MARCHF1: variants seen among roughly 807,000 people sequenced by gnomAD.
MARCHF1 encodes membrane associated ring-CH-type finger 1, also known as E3 ubiquitin-protein ligase MARCHF1.
Under a neutral mutation model 54.2 loss-of-function variants are expected in MARCHF1, and 40 were observed. The observed-to-expected ratio is 0.74, with a 90% CI of 0.57 to 0.96. MARCHF1 has a LOEUF of 0.96. Ranked by LOEUF, MARCHF1 falls within the 40% of genes least tolerant of loss-of-function variation. The pLI is 0.00. For missense variants in MARCHF1, 586 were observed against 656.5 expected, an observed-to-expected ratio of 0.89 and a Z score of 1.17; for synonymous variants, 236 against 236.3, an observed-to-expected ratio of 1.00 and a Z score of 0.01.
chr4:164,214,863 C>T (rs538202312), intron 1 of MARCHF1, among the ~76,000 whole-genome samples: 1 of 152,110 alleles, frequency 6.6e-6, no homozygotes, highest in Non-Finnish European at 1.5e-5. Flanking sequence ...GAAATTGAAA[C>T]GGGAAAAGTT....
chr4:164,159,167 G>A (rs927625611), intron 1 of MARCHF1, among the ~76,000 whole-genome samples: 1 of 152,132 alleles, frequency 6.6e-6, no homozygotes, highest in Non-Finnish European at 1.5e-5. Context: ...AGTAATTAAT[G>A]TTTTAAGGCT....
Position 164,119,950 on chromosome 4 carries a change from C to T in MARCHF1, c.-322-8288G>A, listed in dbSNP as rs114553090. Among the ~76,000 whole-genome samples, 1,324 of 151,754 alleles carry T rather than the reference C, an allele frequency of 8.7e-3. 15 individuals carry two copies. Among genetic ancestry groups the T allele is most frequent in the East Asian group, 0.046 (238 of 5,166 alleles). ...TAATGCCAATAGTATTTAAATTGTT[C>T]CTGATAACACATAAAAGATCACTTA... On this transcript the variant is annotated intron_variant, in intron 1 of 9. Transcript: ENST00000514618.
At chr4:164,117,961 C>G (rs536668863) in intron 1 of MARCHF1, among the ~76,000 whole-genome samples, 2 of 151,892 alleles carry the variant, frequency 1.3e-5, no homozygotes, top group South Asian at 2.1e-4. Context: ...TTAAAAAACA[C>G]ATGAGTGAGA....
At chr4:164,137,780 G>T (rs1756433155) in intron 1 of MARCHF1, among the ~76,000 whole-genome samples, 1 of 152,058 alleles carries the variant, frequency 6.6e-6, no homozygotes, top group Non-Finnish European at 1.5e-5. Flanking sequence ...ATTTTCCCTT[G>T]TTATGATAGA....
At chr4:164,005,711 C>G (rs976478013) in intron 2 of MARCHF1, among the ~76,000 whole-genome samples, 1 of 152,056 alleles carries the variant, frequency 6.6e-6, no homozygotes, top group African/African-American at 2.4e-5. Flanking sequence ...GTGGGACTAC[C>G]ATCCCCAGGC....
At chr4:163,703,134 G>A (rs1322595571) in intron 4 of MARCHF1, among the ~76,000 whole-genome samples, 1 of 152,068 alleles carries the variant, frequency 6.6e-6, no homozygotes. Flanking sequence ...TATAAATTGT[G>A]AAGTTATGAT....
chr4:164,188,977 C>G (rs116592699), intron 1 of MARCHF1: 2 of 721,360 alleles, frequency 2.8e-6, no homozygotes, highest in Non-Finnish European at 5.1e-6. Context: ...GGATCATTAA[C>G]GAGCCTATGG....
At chr4:164,298,196 A>G (rs1043667842) in intron 1 of MARCHF1, among the ~76,000 whole-genome samples, 2 of 152,204 alleles carry the variant, frequency 1.3e-5, no homozygotes, top group African/African-American at 2.4e-5. Flanking sequence ...CCACTACTAA[A>G]TAGTATTTTT....
intron 4 of MARCHF1, among the ~76,000 whole-genome samples, chr4:163,758,399 C>G (rs1157293259): frequency 6.6e-6 from 1 of 152,156 alleles, no homozygotes; most frequent in African/African-American, 2.4e-5. Flanking sequence ...TCCAGTTCAA[C>G]CAAGGACATT....
intron 1 of MARCHF1, among the ~76,000 whole-genome samples, chr4:164,373,471 C>T (rs1486851638): frequency 6.7e-6 from 1 of 148,466 alleles, no homozygotes; most frequent in African/African-American, 2.5e-5. Flanking sequence ...TCTCCTGCCT[C>T]AGCCTCCCCA....
chr4:164,278,264 C>T (rs78272598), intron 1 of MARCHF1, among the ~76,000 whole-genome samples: 4,892 of 152,182 alleles, frequency 0.032, 188 homozygotes, highest in East Asian at 0.15. Flanking sequence ...GAGCTGTGAT[C>T]GCACCACTGC....
At chr4:163,596,754 A>G (rs1740785594) in intron 7 of MARCHF1, among the ~76,000 whole-genome samples, 1 of 152,118 alleles carries the variant, frequency 6.6e-6, no homozygotes, top group Non-Finnish European at 1.5e-5. Flanking sequence ...TTCAATGAAT[A>G]ATCATATTTA....
At chr4:164,143,612 A>G (rs1455287330) in intron 1 of MARCHF1, among the ~76,000 whole-genome samples, 4 of 152,112 alleles carry the variant, frequency 2.6e-5, no homozygotes, top group Non-Finnish European at 5.9e-5. Context: ...CTTTACAGAC[A>G]AGCAAATGCT....
At chr4:164,168,699 G>A (rs1367550) in intron 1 of MARCHF1, among the ~76,000 whole-genome samples, 2 of 151,372 alleles carry the variant, frequency 1.3e-5, no homozygotes, top group African/African-American at 2.4e-5. Flanking sequence ...CAAACACATA[G>A]ACACTCCTAC....
chr4:163,933,764 C>A (rs759623504), intron 3 of MARCHF1, among the ~76,000 whole-genome samples: 5 of 152,226 alleles, frequency 3.3e-5, no homozygotes, highest in Non-Finnish European at 5.9e-5. Context: ...AAAGCCCTTG[C>A]CATTTCTGGC....
chr4:163,625,405 T>G (rs1560981700), intron 5 of MARCHF1, among the ~76,000 whole-genome samples: 2 of 152,256 alleles, frequency 1.3e-5, no homozygotes, highest in Admixed American at 6.5e-5. Flanking sequence ...ACAGTCATAC[T>G]GATTTTGGAA....
At chr4:164,153,809 CAA>C (rs754062366) in intron 1 of MARCHF1, among the ~76,000 whole-genome samples, 78 of 152,040 alleles carry the variant, frequency 5.1e-4, no homozygotes, top group Admixed American at 2.3e-3. Context: ...ATGCTATTAA[CAA>C]AAGTCATAAA....
chr4:163,737,787 AG>A (rs1746089997), intron 4 of MARCHF1, among the ~76,000 whole-genome samples: 1 of 117,660 alleles, frequency 8.5e-6, no homozygotes, highest in South Asian at 2.9e-4. Flanking sequence ...GTGGAGAAAT[AG>A]GAACACTTTT....
chr4:163,998,412 C>A (rs962278721), intron 2 of MARCHF1, among the ~76,000 whole-genome samples: 3 of 151,472 alleles, frequency 2.0e-5, no homozygotes, highest in African/African-American at 7.3e-5. Flanking sequence ...AATATTAACA[C>A]AGGAGTACTA....
Sources: gnomAD v4.1 joint callset for allele counts (sites outside exome capture counted in the v4.1 genomes callset) on GRCh38, gnomAD v4.1.1 for gene constraint, MANE v1.5 for transcripts, NCBI Gene and HGNC (gene_info 2026-07-23, HGNC 2026-07-21) for gene names.